FARP2: variants seen among roughly 807,000 people sequenced by gnomAD.
FARP2 encodes FERM, ARHGEF and pleckstrin domain-containing protein 2.
A neutral mutation model predicts 130.5 loss-of-function variants in FARP2; 111 were observed. The ratio of observed to expected loss-of-function variants is 0.85; its 90% CI spans 0.73 to 1.00. The LOEUF is 1.00. Ranked by LOEUF, FARP2 falls within the 50% of genes least tolerant of loss-of-function variation. The pLI is 0.00. For missense variants in FARP2, 1,385 were observed against 1,346.3 expected (o/e 1.03, Z -0.45); for synonymous variants, 504 against 516.9 (o/e 0.98, Z 0.34).
rs780139851 is a variant in FARP2, at chr2:241,373,214, T to A, written c.107T>A (p.Leu36Ter). 8.3e-6 allele frequency: 13 copies of A among 1,574,312 alleles called. No homozygotes were observed. Among genetic ancestry groups the A allele is most frequent in the Non-Finnish European group, 1.0e-5 (12 of 1,154,682 alleles). The change falls in exon 2 of 27, where the codon TTG (leucine) becomes TAG (stop). Residue 36 changes from leucine (L) to a stop codon, truncating the protein, a stop_gained. Transcript: ENST00000264042. LOFTEE classifies it high-confidence loss of function. Reference sequence around the variant, plus strand: ...ACCCTTGAGCCTGGGCAGACTCTCTTGCCCAGAATGCAAGAGAAGCACCTG... The same window carrying A: ...ACCCTTGAGCCTGGGCAGACTCTCTAGCCCAGAATGCAAGAGAAGCACCTG... ...VSTLEPGQTL[L>*]PRMQEKHLHL...
At chr2:241,422,569 A>G (rs2062839044) in intron 8 of FARP2, among the ~76,000 whole-genome samples, 1 of 152,150 alleles carries the variant, frequency 6.6e-6, no homozygotes. Context: ...TCTCCTCCAA[A>G]TGACCACAAT....
chr2:241,493,385 G>A lies in FARP2; in HGVS notation c.2988G>A (p.Lys996=), dbSNP rs568686848. Residue 996 remains lysine (K), a synonymous_variant, in exon 26 of 27, where the codon AAG becomes AAA. Transcript: ENST00000264042. The part of the protein sequence containing the change: ...ADGIHKDYVF[K]LQFKSHVYFF... Reference sequence around the variant, plus strand: ...GCATACACAAAGACTATGTTTTCAAGCTCCAGTTCAAATCCCACGTCTACT... The same window carrying A: ...GCATACACAAAGACTATGTTTTCAAACTCCAGTTCAAATCCCACGTCTACT... 3.7e-6 allele frequency: 6 copies of A among 1,613,986 alleles called. No homozygotes were observed. In the South Asian group the frequency reaches 4.4e-5, roughly 12 times the overall value.
At chr2:241,382,290 C>CAAT (rs1553709362) in intron 2 of FARP2, among the ~76,000 whole-genome samples, 63 of 127,190 alleles carry the variant, frequency 5.0e-4, no homozygotes, top group African/African-American at 1.5e-3. Context: ...TGTACAAAAT[C>CAAT]TATTTTTTTT....
intron 12 of FARP2, 117 bp from the exon 13 acceptor site, chr2:241,441,187 A>G (rs1293225463): frequency 3.3e-6 from 3 of 900,594 alleles, no homozygotes; most frequent in East Asian, 2.5e-5. Context: ...GCCCATTTTC[A>G]TGAAAGCTGT....
chr2:241,469,268 G>A (rs754692649), intron 18 of FARP2, among the ~76,000 whole-genome samples: 2 of 152,036 alleles, frequency 1.3e-5, no homozygotes, highest in African/African-American at 4.8e-5. Flanking sequence ...TGTATTTTTA[G>A]TAGAGATAGG....
chr2:241,365,884 A>G (rs2150286991), intron 1 of FARP2, among the ~76,000 whole-genome samples: 1 of 151,182 alleles, frequency 6.6e-6, no homozygotes. Flanking sequence ...TATCAAAACT[A>G]CTAAACACCG....
chr2:241,366,123 G>GTA (rs57241708), intron 1 of FARP2, among the ~76,000 whole-genome samples: 19 of 87,986 alleles, frequency 2.2e-4, no homozygotes, highest in South Asian at 3.9e-4. Context: ...ATATATATAC[G>GTA]TATATATATA....
intron 2 of FARP2, among the ~76,000 whole-genome samples, chr2:241,374,082 C>A (rs971354375): frequency 1.3e-5 from 2 of 150,962 alleles, no homozygotes; most frequent in East Asian, 3.9e-4. Flanking sequence ...TGCGATCATG[C>A]CTCACTGCAG....
Position 241,407,010 on chromosome 2 carries a change from G to A in FARP2, c.332-527G>A, listed in dbSNP as rs542800988. ...TTTTTAATAGAGACGGGGTTTCACT[G>A]TGTTGGCCAGGATGGTCTCGATCTC... On this transcript the variant is annotated intron_variant, in intron 4 of 26. Coordinates refer to ENST00000264042, the MANE Select transcript of FARP2 (RefSeq NM_014808.4). Among the ~76,000 whole-genome samples, 13 of 151,808 alleles carry A rather than the reference G, an allele frequency of 8.6e-5. No individual in the cohort carries two copies. In the East Asian group the frequency reaches 1.6e-3, roughly 18 times the overall value.
At chr2:241,387,986 T>A (rs2061827549) in intron 2 of FARP2, among the ~76,000 whole-genome samples, 1 of 152,154 alleles carries the variant, frequency 6.6e-6, no homozygotes, top group Non-Finnish European at 1.5e-5. Context: ...ATTGTTAAGA[T>A]GGCAATACTC....
intron 8 of FARP2, 141 bp downstream of exon 8, chr2:241,418,250 A>G: frequency 1.2e-6 from 1 of 815,084 alleles, no homozygotes; most frequent in Non-Finnish European, 2.0e-6. Context: ...TTTGCATATC[A>G]TCCAATCCAA....
At chr2:241,405,356 A>G (rs1398999432) in intron 4 of FARP2, 1 of 152,154 alleles carries the variant, frequency 6.6e-6, no homozygotes, top group African/African-American at 2.4e-5. Flanking sequence ...CCTCAGTCTC[A>G]AGATAATTAT....
chr2:241,438,240 A>G (rs1212747949), intron 12 of FARP2, among the ~76,000 whole-genome samples: 1 of 152,158 alleles, frequency 6.6e-6, no homozygotes, highest in Non-Finnish European at 1.5e-5. Flanking sequence ...TTCAGAAGCT[A>G]CACTTGCACC....
In FARP2 at chr2:241,427,168, G is replaced by A. The variant is rs554729335; in HGVS notation, c.772-4511G>A. Among the ~76,000 whole-genome samples the A allele has an allele frequency of 1.1e-4, 17 of 152,262 alleles. No homozygotes were observed. In the South Asian group the frequency reaches 2.1e-3, roughly 19 times the overall value. On this transcript the variant is annotated intron_variant, in intron 8 of 26. Coordinates refer to ENST00000264042, the MANE Select transcript of FARP2 (RefSeq NM_014808.4). ...GAGAATCGCTTGAATCCAGGAGGCCGAGGTTACAGTGAGCCAAGATCGCAC... is the reference window on the plus strand; with the variant it reads ...GAGAATCGCTTGAATCCAGGAGGCCAAGGTTACAGTGAGCCAAGATCGCAC...
intron 2 of FARP2, among the ~76,000 whole-genome samples, chr2:241,402,849 TA>T (rs2062210728): frequency 1.2e-4 from 1 of 8,332 alleles, no homozygotes; most frequent in Non-Finnish European, 3.1e-4. Flanking sequence ...TATATATATA[TA>T]TATATATATA....
intron 2 of FARP2, among the ~76,000 whole-genome samples, chr2:241,389,198 T>C (rs1401689370): frequency 6.6e-6 from 1 of 151,736 alleles, no homozygotes; most frequent in Non-Finnish European, 1.5e-5. Context: ...GGAGAATTGC[T>C]TGAACCCGGG....
chr2:241,418,211 G>A, intron 8 of FARP2, 102 bp downstream of exon 8: 1 of 1,280,848 alleles, frequency 7.8e-7, no homozygotes. Context: ...TTGTCCTGAT[G>A]AGTACGGGCC....
chr2:241,370,173 A>T (rs527553270), intron 1 of FARP2, among the ~76,000 whole-genome samples: 7 of 152,174 alleles, frequency 4.6e-5, no homozygotes, highest in Non-Finnish European at 1.0e-4. Flanking sequence ...TAACTGGAGG[A>T]GTGGATTTGG....
intron 2 of FARP2, among the ~76,000 whole-genome samples, chr2:241,394,190 G>A (rs2061975219): frequency 6.6e-6 from 1 of 152,198 alleles, no homozygotes; most frequent in Non-Finnish European, 1.5e-5. Context: ...GGACCAGAAG[G>A]TATGTTTTAA....
Sources: allele counts gnomAD v4.1 joint callset (sites outside exome capture counted in the v4.1 genomes callset), GRCh38; gene constraint gnomAD v4.1.1; transcripts MANE v1.5; gene names NCBI Gene and HGNC (gene_info 2026-07-23, HGNC 2026-07-21).